The following PCDH9 variants were observed in gnomAD, a reference collection of about 807,000 sequenced individuals.
PCDH9 encodes protocadherin-9.
Under a neutral mutation model 70.6 loss-of-function variants are expected in PCDH9, and 24 were observed. The ratio of observed to expected loss-of-function variants is 0.34; its 90% confidence interval spans 0.25 to 0.48. PCDH9 has a LOEUF of 0.48. Among genes scored for constraint, PCDH9 ranks in the 20% least tolerant of loss-of-function variants. The pLI is 0.99. For missense variants in PCDH9, 1,281 were observed against 1,503.6 expected, an observed-to-expected ratio of 0.85 and a Z score of 2.45; for synonymous variants, 562 against 558.5, an observed-to-expected ratio of 1.01 and a Z score of -0.09.
At chr13:66,740,535 A>G (rs1415115087) in intron 3 of PCDH9, among the ~76,000 whole-genome samples, 1 of 146,272 alleles carries the variant, frequency 6.8e-6, no homozygotes, top group African/African-American at 2.5e-5. Flanking sequence ...CCCTTCAAAA[A>G]ATTAATGAAT....
At position 66,959,442 on chromosome 13, in the gene PCDH9, T is replaced by C. The variant is rs548204684; in HGVS notation, c.3037-55837A>G. ...AAACTTAATAATTGAAATGATCAATTAAGAAATTACTTAAGAAAAGACATC... is the reference window on the plus strand; with the variant it reads ...AAACTTAATAATTGAAATGATCAATCAAGAAATTACTTAAGAAAAGACATC... On this transcript the variant is annotated intron_variant, in intron 2 of 4. Coordinates refer to ENST00000377865, the MANE Select transcript of PCDH9 (RefSeq NM_203487.3). 3.3e-5 allele frequency among the ~76,000 whole-genome samples: 5 copies of C among 152,272 alleles called. No homozygotes were observed. The East Asian group carries it at 9.6e-4, about 29-fold the overall frequency.
chr13:66,738,475 G>A (rs1179256864), intron 3 of PCDH9, among the ~76,000 whole-genome samples: 2 of 147,152 alleles, frequency 1.4e-5, no homozygotes, highest in Non-Finnish European at 3.0e-5. Flanking sequence ...ACCAGCAACG[G>A]AACAAAGCTG....
intron 4 of PCDH9, among the ~76,000 whole-genome samples, chr13:66,613,247 C>A (rs574556081): frequency 1.3e-5 from 2 of 152,114 alleles, no homozygotes; most frequent in South Asian, 4.1e-4. Flanking sequence ...CAGACTTCCC[C>A]GTCCCTGGCT....
chr13:67,211,647 G>A (rs940249741), intron 2 of PCDH9: 3 of 151,968 alleles, frequency 2.0e-5, no homozygotes, highest in Non-Finnish European at 2.9e-5. Context: ...AAATTTTCAG[G>A]ATATGTATGT....
intron 4 of PCDH9, among the ~76,000 whole-genome samples, chr13:66,435,868 GAA>G (rs1163086168): frequency 1.3e-5 from 2 of 152,092 alleles, no homozygotes; most frequent in Non-Finnish European, 2.9e-5. Flanking sequence ...ACTTGGAGAA[GAA>G]AGTTATTTTC....
intron 2 of PCDH9, among the ~76,000 whole-genome samples, chr13:67,067,465 CTCG>C (rs1442710237): frequency 6.6e-6 from 1 of 151,884 alleles, no homozygotes; most frequent in African/African-American, 2.4e-5. Flanking sequence ...TCAATTTGGA[CTCG>C]TCAAATTTCA....
At chr13:66,740,724 TAAA>T (rs2079249781) in intron 3 of PCDH9, among the ~76,000 whole-genome samples, 1 of 152,028 alleles carries the variant, frequency 6.6e-6, no homozygotes, top group Non-Finnish European at 1.5e-5. Flanking sequence ...TCTATGCAAA[TAAA>T]CTAGAAAATC....
chr13:66,983,403 T>C (rs2083817395), intron 2 of PCDH9, among the ~76,000 whole-genome samples: 2 of 151,876 alleles, frequency 1.3e-5, no homozygotes, highest in Middle Eastern at 3.4e-3. Flanking sequence ...GTTGGGTCAC[T>C]AAGAAAAAAA....
chr13:66,384,259 A>G, intron 4 of PCDH9, among the ~76,000 whole-genome samples: 1 of 152,160 alleles, frequency 6.6e-6, no homozygotes, highest in Non-Finnish European at 1.5e-5. Flanking sequence ...ATTTGATTAT[A>G]GTTCCAGAGA....
chr13:66,357,855 G>A (rs1956410692), intron 4 of PCDH9, among the ~76,000 whole-genome samples: 6 of 151,998 alleles, frequency 3.9e-5, no homozygotes. Flanking sequence ...TTTGGGCAAC[G>A]AAGCAAACAC....
chr13:67,009,529 C>T (rs1235291721), intron 2 of PCDH9, among the ~76,000 whole-genome samples: 2 of 151,980 alleles, frequency 1.3e-5, no homozygotes, highest in Non-Finnish European at 2.9e-5. Flanking sequence ...CTGAATCAAG[C>T]ATCTAGGATT....
chr13:66,400,866 A>G (rs1015069970), intron 4 of PCDH9, among the ~76,000 whole-genome samples: 13 of 152,246 alleles, frequency 8.5e-5, no homozygotes, highest in African/African-American at 3.1e-4. Context: ...CTCTTCAGTC[A>G]GTGATTTCCA....
chr13:66,862,057 G>C (rs566658224), intron 3 of PCDH9, among the ~76,000 whole-genome samples: 1 of 152,196 alleles, frequency 6.6e-6, no homozygotes, highest in Admixed American at 6.5e-5. Context: ...GTGTCACATT[G>C]AACTTGCAGC....
chr13:66,658,884 T>G (rs2077968477), intron 3 of PCDH9, among the ~76,000 whole-genome samples: 2 of 152,200 alleles, frequency 1.3e-5, no homozygotes, highest in Admixed American at 6.5e-5. Context: ...GTTTTATGTT[T>G]TATATCATAT....
chr13:66,779,866 T>TATATATATATATATATATATATATAC (rs1336725254), intron 3 of PCDH9, among the ~76,000 whole-genome samples: 3 of 71,742 alleles, frequency 4.2e-5, no homozygotes, highest in African/African-American at 1.4e-4. Context: ...TATATATATA[T>TATATATATATATATATATATATATAC]ACATATATGT....
intron 4 of PCDH9, among the ~76,000 whole-genome samples, chr13:66,312,700 T>C (rs1955584442): frequency 6.6e-6 from 1 of 152,142 alleles, no homozygotes; most frequent in South Asian, 2.1e-4. Flanking sequence ...TTTTTAAATG[T>C]AAATAAAAAT....
intron 3 of PCDH9, among the ~76,000 whole-genome samples, chr13:66,838,587 CA>C (rs542243544): frequency 0.013 from 2,003 of 151,652 alleles, 25 homozygotes; most frequent in Non-Finnish European, 0.017. Flanking sequence ...AAAATTAAAC[CA>C]ATATTAACAC....
chr13:66,851,732 C>G (rs1349136086), intron 3 of PCDH9, among the ~76,000 whole-genome samples: 1 of 152,164 alleles, frequency 6.6e-6, no homozygotes, highest in Non-Finnish European at 1.5e-5. Context: ...ATGGCTTATA[C>G]TAATTTGTCT....
chr13:66,403,130 A>G (rs562686868), intron 4 of PCDH9, among the ~76,000 whole-genome samples: 1 of 151,866 alleles, frequency 6.6e-6, no homozygotes, highest in Admixed American at 6.6e-5. Context: ...TTACAGCTTT[A>G]GATGTACAAT....
Sources: gnomAD v4.1 joint callset for allele counts (sites outside exome capture counted in the v4.1 genomes callset) on GRCh38, gnomAD v4.1.1 for gene constraint, MANE v1.5 for transcripts, NCBI Gene and HGNC (gene_info 2026-07-23, HGNC 2026-07-21) for gene names.